TRIO: variants seen among roughly 807,000 people sequenced by gnomAD.
TRIO encodes the protein triple functional domain protein.
A neutral mutation model predicts 351.9 loss-of-function variants in TRIO; 58 were observed. The observed-to-expected ratio is 0.16, with a 90% CI of 0.13 to 0.21. The LOEUF (loss-of-function observed/expected upper bound fraction) is 0.21. TRIO is among the 10% of genes least tolerant of loss of function. The probability of loss-of-function intolerance (pLI) is 1.00; values close to 1 mark genes in which losing one functional copy is unlikely to be tolerated. For synonymous variants in TRIO, 1,758 were observed against 1,595.7 expected (o/e 1.10, Z -2.42); for missense variants, 3,201 against 4,027.8 (o/e 0.79, Z 5.56).
chr5:14,249,762 A>T (rs1338107379), intron 1 of TRIO, among the ~76,000 whole-genome samples: 1 of 152,200 alleles, frequency 6.6e-6, no homozygotes, highest in Non-Finnish European at 1.5e-5. Flanking sequence ...GCCCTGCATG[A>T]GGATTGGTTT....
chr5:14,371,443 T>C (rs1313229085), intron 18 of TRIO, among the ~76,000 whole-genome samples: 2 of 152,214 alleles, frequency 1.3e-5, no homozygotes, highest in Admixed American at 1.3e-4. Context: ...TTTCTGATTA[T>C]CAATGTATGG....
intron 6 of TRIO, among the ~76,000 whole-genome samples, chr5:14,296,222 G>A (rs913410685): frequency 6.6e-6 from 1 of 152,094 alleles, no homozygotes; most frequent in African/African-American, 2.4e-5. Context: ...TACGATTTTG[G>A]GGGACCCATG....
At chr5:14,189,091 C>T (rs973938963) in intron 1 of TRIO, among the ~76,000 whole-genome samples, 2 of 152,104 alleles carry the variant, frequency 1.3e-5, no homozygotes, top group Non-Finnish European at 2.9e-5. Context: ...TTGGTATAAG[C>T]GTTAAGGAAT....
intron 46 of TRIO, 45 bp from the exon 47 acceptor site, chr5:14,485,024 T>C (rs764904456): frequency 2.0e-6 from 3 of 1,490,062 alleles, no homozygotes; most frequent in South Asian, 2.9e-5. Context: ...GTTTGCTTCC[T>C]TTCCACCTGT....
At chr5:14,188,935 CTA>C (rs1473387246) in intron 1 of TRIO, among the ~76,000 whole-genome samples, 6 of 152,270 alleles carry the variant, frequency 3.9e-5, no homozygotes, top group Admixed American at 3.9e-4. Context: ...TGCACATTAA[CTA>C]TGTTTTTAGC....
At chr5:14,228,339 G>A (rs955926809) in intron 1 of TRIO, among the ~76,000 whole-genome samples, 1 of 152,176 alleles carries the variant, frequency 6.6e-6, no homozygotes, top group African/African-American at 2.4e-5. Flanking sequence ...GTTCCCTGCC[G>A]GGGGAACAGC....
intron 30 of TRIO, chr5:14,399,465 T>C: frequency 4.0e-6 from 1 of 249,148 alleles, no homozygotes; most frequent in Non-Finnish European, 7.6e-6. Context: ...ACAGCCTTAC[T>C]GGGTGGCTCA....
At chr5:14,216,357 T>TG (rs1201949608) in intron 1 of TRIO, among the ~76,000 whole-genome samples, 1 of 152,212 alleles carries the variant, frequency 6.6e-6, no homozygotes, top group African/African-American at 2.4e-5. Flanking sequence ...GTCCAACAAT[T>TG]GTTGTTAGTT....
intron 8 of TRIO, 69 bp downstream of exon 8, chr5:14,304,661 A>G (rs939040185): frequency 1.9e-5 from 26 of 1,399,018 alleles, no homozygotes; most frequent in South Asian, 1.1e-4. Context: ...CGGAAGCTAG[A>G]AAAAAAAAAG....
intron 13 of TRIO, 62 bp downstream of exon 13, chr5:14,359,593 C>A (rs559544530): frequency 1.3e-6 from 2 of 1,574,338 alleles, no homozygotes; most frequent in Non-Finnish European, 1.7e-6. Flanking sequence ...TCCACAGCAC[C>A]GGCGCCCTCT....
At chr5:14,253,566 T>C (rs1228266930) in intron 1 of TRIO, among the ~76,000 whole-genome samples, 2 of 152,306 alleles carry the variant, frequency 1.3e-5, no homozygotes, top group East Asian at 1.9e-4. Context: ...CTTGAACTCC[T>C]GAGCTCAGGT....
intron 15 of TRIO, among the ~76,000 whole-genome samples, 159 bp downstream of exon 15, chr5:14,364,975 GC>G (rs1744471421): frequency 6.6e-6 from 1 of 151,912 alleles, no homozygotes; most frequent in Non-Finnish European, 1.5e-5. Flanking sequence ...ACACACCCCC[GC>G]CCCCCGATTA....
At chr5:14,356,019 G>A (rs544517611) in intron 11 of TRIO, among the ~76,000 whole-genome samples, 153 of 152,294 alleles carry the variant, frequency 1.0e-3, no homozygotes, top group African/African-American at 3.3e-3. Context: ...AAAATAGGTA[G>A]ATAATATGAG....
At chr5:14,378,589 T>G (rs971073774) in intron 20 of TRIO, among the ~76,000 whole-genome samples, 2 of 152,142 alleles carry the variant, frequency 1.3e-5, no homozygotes, top group Non-Finnish European at 2.9e-5. Flanking sequence ...GACAGAGTTT[T>G]GCTCTTGTTG....
chr5:14,297,017 G>A, intron 6 of TRIO, 55 bp from the exon 7 acceptor site: 1 of 1,522,888 alleles, frequency 6.6e-7, no homozygotes, highest in Non-Finnish European at 8.9e-7. Context: ...TTCTTAGAAG[G>A]GAGCCTCCTA....
chr5:14,369,022 A>G, intron 17 of TRIO, 123 bp downstream of exon 17: 1 of 1,209,204 alleles, frequency 8.3e-7, no homozygotes, highest in Non-Finnish European at 1.2e-6. Flanking sequence ...CCAGTCAAGC[A>G]GGGAAAAGGC....
intron 11 of TRIO, among the ~76,000 whole-genome samples, chr5:14,352,028 T>G (rs1448788783): frequency 1.3e-5 from 2 of 152,208 alleles, no homozygotes; most frequent in African/African-American, 4.8e-5. Context: ...AGCAGAGCTG[T>G]GGGGCCCATA....
intron 11 of TRIO, among the ~76,000 whole-genome samples, chr5:14,341,025 G>GT (rs1741896517): frequency 6.6e-6 from 1 of 152,146 alleles, no homozygotes. Flanking sequence ...GCTTTGTTCT[G>GT]TTTTTGTTTT....
chr5:14,186,085 G>A (rs1208923242), intron 1 of TRIO, among the ~76,000 whole-genome samples: 1 of 152,202 alleles, frequency 6.6e-6, no homozygotes, highest in African/African-American at 2.4e-5. Context: ...GTATTTAGAT[G>A]TTGACTAGAT....
Sources: allele counts gnomAD v4.1 joint callset (sites outside exome capture counted in the v4.1 genomes callset), GRCh38; gene constraint gnomAD v4.1.1; transcripts MANE v1.5; gene names NCBI Gene and HGNC (gene_info 2026-07-23, HGNC 2026-07-21).